The following SH2D3C variants were observed in gnomAD, a reference collection of about 807,000 sequenced individuals.
The protein encoded by SH2D3C is SH2 domain-containing protein 3C.
Under a neutral mutation model 75.2 loss-of-function variants are expected in SH2D3C, and 25 were observed. That is an observed-to-expected ratio of 0.33 (90% confidence interval 0.24 to 0.46). SH2D3C has a LOEUF of 0.46. Among genes scored for constraint, SH2D3C ranks in the 20% least tolerant of loss-of-function variants. The pLI is 1.00. For synonymous variants in SH2D3C, 450 were observed against 473.7 expected, an observed-to-expected ratio of 0.95 and a Z score of 0.65; for missense variants, 933 against 1,165.3, an observed-to-expected ratio of 0.80 and a Z score of 2.90.
intron 1 of SH2D3C, among the ~76,000 whole-genome samples, chr9:127,776,565 C>T (rs1845813964): frequency 6.6e-6 from 1 of 152,204 alleles, no homozygotes; most frequent in Admixed American, 6.5e-5. Context: ...ACAGCCACCA[C>T]CAACTGACTT....
chr9:127,739,709 G>A lies in SH2D3C; in HGVS notation c.2380C>T (p.His794Tyr). 6.2e-7 allele frequency: 1 copy of A among 1,610,310 alleles called. No homozygotes were observed. The highest frequency in any genetic ancestry group is 8.5e-7 in the Non-Finnish European group (1 of 1,179,256). ...RTVAHHGGLYHTNAEVKLQGF... is the reference protein window; with the variant it reads ...RTVAHHGGLYYTNAEVKLQGF... The stretch of plus-strand genomic sequence containing the variant: ...TGCAGCTTGACTTCAGCATTGGTGT[G>A]GTACAGGCCTCCGTGGTGTGCCACT... Residue 794 changes from histidine (H) to tyrosine (Y), a missense_variant, in exon 11 of 12, where the codon CAC becomes TAC. Transcript: ENST00000314830. The surrounding 1 kb of genome is among the most constrained non-coding windows in gnomAD (Gnocchi z 4.3).
intron 2 of SH2D3C, among the ~76,000 whole-genome samples, chr9:127,772,415 T>C (rs1845753618): frequency 2.0e-5 from 3 of 152,072 alleles, no homozygotes. Flanking sequence ...GGCTAATTTT[T>C]GTATTTTTAG....
intron 2 of SH2D3C, among the ~76,000 whole-genome samples, chr9:127,766,435 A>G (rs983892752): frequency 6.6e-6 from 1 of 152,228 alleles, no homozygotes; most frequent in African/African-American, 2.4e-5. Flanking sequence ...CCACATGAGA[A>G]GGAGGGGTGC....
intron 7 of SH2D3C, among the ~76,000 whole-genome samples, chr9:127,743,881 C>T (rs75262660): frequency 1.3e-5 from 2 of 149,476 alleles, no homozygotes; most frequent in Non-Finnish European, 3.0e-5. Context: ...TGTCCAGTGG[C>T]GGGGGGGCGG....
chr9:127,748,430 G>A (rs563616287), intron 5 of SH2D3C, among the ~76,000 whole-genome samples: 2 of 152,340 alleles, frequency 1.3e-5, no homozygotes, highest in South Asian at 4.1e-4. Flanking sequence ...AGGTGGCACA[G>A]GACAGCAGAT....
chr9:127,758,617 T>G (rs1421870886), intron 3 of SH2D3C, among the ~76,000 whole-genome samples: 4 of 152,198 alleles, frequency 2.6e-5, no homozygotes, highest in Non-Finnish European at 5.9e-5. Context: ...GGGCTCTGTT[T>G]CTGGGCTCAC....
rs1259170181 is a variant in SH2D3C at position 127,739,962 on chromosome 9, G to A, written c.2201-74C>T. 4 of 1,357,326 alleles carry A rather than the reference G, an allele frequency of 2.9e-6. No individual in the cohort carries two copies. The highest frequency in any genetic ancestry group is 2.9e-5 in the African/African-American group (2 of 68,164). The allele number at this position is 1,357,326 out of a possible 1,614,324, so 84.1% of individuals were successfully genotyped here. On this transcript the variant is annotated intron_variant, in intron 10 of 11. Coordinates refer to ENST00000314830, the MANE Select transcript of SH2D3C (RefSeq NM_170600.3). This position sits in a 1 kb window ranked among gnomAD's most constrained non-coding sequence, Gnocchi z 4.3. ...CATCCACTGCAGTCCTGGAAGCTGA[G>A]GTGCAGGAGGGAACGGGCCTGGCTG...
At chr9:127,747,356 G>A (rs1845063650) in intron 5 of SH2D3C, 85 bp from the exon 6 acceptor site, 4 of 1,273,922 alleles carry the variant, frequency 3.1e-6, no homozygotes, top group Non-Finnish European at 3.2e-6. Flanking sequence ...TCTGCACCTT[G>A]AACTTCAGAG....
intron 2 of SH2D3C, among the ~76,000 whole-genome samples, chr9:127,763,466 C>T (rs1251901082): frequency 6.6e-6 from 1 of 152,118 alleles, no homozygotes; most frequent in Non-Finnish European, 1.5e-5. Flanking sequence ...GCCTGTAATC[C>T]TGGCTACTTG....
At chr9:127,750,055 C>T (rs1003843165) in intron 4 of SH2D3C, among the ~76,000 whole-genome samples, 4 of 152,142 alleles carry the variant, frequency 2.6e-5, no homozygotes, top group Non-Finnish European at 5.9e-5. Flanking sequence ...CCACCCAGTG[C>T]TCTGGCATGC....
chr9:127,749,643 C>T lies in SH2D3C; in HGVS notation c.707G>A (p.Arg236His), dbSNP rs540690550. Residue 236 changes from arginine (R) to histidine (H), a missense_variant, in exon 5 of 12, where the codon CGC (arginine) becomes CAC (histidine). By Grantham distance (29) the Arg-to-His change is conservative. Coordinates refer to ENST00000314830, the MANE Select transcript of SH2D3C (RefSeq NM_170600.3). The surrounding 1 kb of genome is among the most constrained non-coding windows in gnomAD (Gnocchi z 5.9). Reference protein sequence around the residue: ...PREVSETLVQRNGDFLIRDSL... With the variant: ...PREVSETLVQHNGDFLIRDSL... Reference sequence around the variant, plus strand: ...GTCCCGGATGAGGAAGTCGCCGTTGCGTTGTACCAAGGTCTCCGAGACCTG... The same window carrying T: ...GTCCCGGATGAGGAAGTCGCCGTTGTGTTGTACCAAGGTCTCCGAGACCTG... The T allele has an allele frequency of 1.3e-5, 21 of 1,561,314 alleles. No individual in the cohort carries two copies. Among genetic ancestry groups the T allele is most frequent in the African/African-American group, 9.5e-5 (7 of 73,614 alleles).
intron 2 of SH2D3C, among the ~76,000 whole-genome samples, chr9:127,772,392 C>T (rs1355814007): frequency 5.3e-5 from 8 of 151,814 alleles, no homozygotes; most frequent in African/African-American, 7.3e-5. Flanking sequence ...TACAGGTGCC[C>T]GCCGCCACAC....
chr9:127,751,534 A>G lies in SH2D3C; in HGVS notation c.556-234T>C, dbSNP rs1349220199. On this transcript the variant is annotated intron_variant, in intron 3 of 11. Coordinates refer to ENST00000314830, the MANE Select transcript of SH2D3C (RefSeq NM_170600.3). The surrounding 1 kb of genome is among the most constrained non-coding windows in gnomAD (Gnocchi z 4.1). ...TGTGCTATATGCCAGGGGTGGATGC[A>G]GTGATATATAAACCAAGCCCGGCCC... 6.6e-6 allele frequency among the ~76,000 whole-genome samples: 1 copy of G among 152,252 alleles called. No homozygotes were observed. Among genetic ancestry groups the G allele is most frequent in the African/African-American group, 2.4e-5 (1 of 41,466 alleles).
chr9:127,745,085 C>T lies in SH2D3C; in HGVS notation c.1279G>A (p.Ala427Thr). The T allele has an allele frequency of 6.6e-7, 1 of 1,504,156 alleles. No individual in the cohort carries two copies. The highest frequency in any genetic ancestry group is 2.3e-5 in the East Asian group (1 of 43,776). The allele number at this position is 1,504,156 out of a possible 1,614,324, so 93.2% of individuals were successfully genotyped here. ...PAYSTVTRVH[A>T]APAAPSATAL... Reference sequence around the variant, plus strand: ...GTGGCAGAAGGGGCTGCAGGGGCGGCATGGACACGGGTTACTGCAGAAAGG... The same window carrying T: ...GTGGCAGAAGGGGCTGCAGGGGCGGTATGGACACGGGTTACTGCAGAAAGG... The change falls in exon 7 of 12, where the codon GCC becomes ACC. Residue 427 changes from alanine to threonine, a missense_variant. Physicochemically the swap from Ala to Thr is moderately conservative, Grantham distance 58. Transcript: ENST00000314830.
At chr9:127,756,319 G>GAAAAAC (rs1845378078) in intron 3 of SH2D3C, among the ~76,000 whole-genome samples, 1 of 152,150 alleles carries the variant, frequency 6.6e-6, no homozygotes, top group South Asian at 2.1e-4. Flanking sequence ...AAAAGAAAAA[G>GAAAAAC]AAACTGGACT....
intron 8 of SH2D3C, among the ~76,000 whole-genome samples, chr9:127,742,404 T>C (rs1438568703): frequency 6.6e-6 from 1 of 152,174 alleles, no homozygotes; most frequent in Non-Finnish European, 1.5e-5. Flanking sequence ...GCCCTGCTAA[T>C]TTTTGTATTT....
chr9:127,744,489 G>T, intron 7 of SH2D3C, 75 bp downstream of exon 7: 1 of 1,508,804 alleles, frequency 6.6e-7, no homozygotes, highest in South Asian at 1.3e-5. Flanking sequence ...TGGGGAATCT[G>T]GGAGCCAGCT....
chr9:127,754,664 C>A lies in SH2D3C; in HGVS notation c.556-3364G>T, dbSNP rs1379186360. 1.3e-5 allele frequency among the ~76,000 whole-genome samples: 2 copies of A among 152,304 alleles called. No homozygotes were observed. The highest frequency in any genetic ancestry group is 3.9e-4 in the East Asian group (2 of 5,178). ...CATCCCCCGCGTTTCCTGCTCCTCA[C>A]TCAGTCTTCAGATCCCAGTCCGGCG... On this transcript the variant is annotated intron_variant, in intron 3 of 11. Coordinates refer to ENST00000314830, the MANE Select transcript of SH2D3C (RefSeq NM_170600.3). The surrounding 1 kb of genome is among the most constrained non-coding windows in gnomAD (Gnocchi z 4.4).
Position 127,754,193 on chromosome 9 carries a change from C to T in SH2D3C, c.556-2893G>A, listed in dbSNP as rs975885846. Among the ~76,000 whole-genome samples, 5 of 152,302 alleles carry T rather than the reference C, an allele frequency of 3.3e-5. No homozygotes were observed. In the East Asian group the frequency reaches 7.7e-4, roughly 24 times the overall value. ...CAGAGATGATCTCACCGCCTCCCGG[C>T]CTGCGCGCGCCTGATTGGCCGGTGC... On this transcript the variant is annotated intron_variant, in intron 3 of 11. Coordinates refer to ENST00000314830, the MANE Select transcript of SH2D3C (RefSeq NM_170600.3). This position sits in a 1 kb window ranked among gnomAD's most constrained non-coding sequence, Gnocchi z 4.4.
Sources: allele counts gnomAD v4.1 joint callset (sites outside exome capture counted in the v4.1 genomes callset), GRCh38; gene constraint gnomAD v4.1.1; non-coding constraint Gnocchi (gnomAD v3.1); transcripts MANE v1.5; gene names NCBI Gene and HGNC (gene_info 2026-07-23, HGNC 2026-07-21).